Variants in NEDD4 observed in about 807,000 individuals in gnomAD.
NEDD4 encodes E3 ubiquitin-protein ligase NEDD4.
NEDD4 carries 99 observed loss-of-function variants against 144.9 expected under a neutral mutation model. That is an observed-to-expected ratio of 0.68 (90% CI 0.58 to 0.81). NEDD4 has a LOEUF of 0.81. NEDD4 is among the 30% of genes least tolerant of loss of function. The pLI is 0.00. For synonymous variants in NEDD4, 318 were observed against 350.6 expected, an observed-to-expected ratio of 0.91 and a Z score of 1.04; for missense variants, 985 against 1,065.9, an observed-to-expected ratio of 0.92 and a Z score of 1.06.
chr15:55,869,538 TA>T (rs1244242059), intron 8 of NEDD4, 40 bp downstream of exon 8: 2 of 1,214,618 alleles, frequency 1.6e-6, no homozygotes, highest in Non-Finnish European at 1.2e-6. Flanking sequence ...AATAAGAAAT[TA>T]AAATTTTTTT....
At chr15:55,905,314 T>C (rs2036054722) in intron 5 of NEDD4, 1 of 455,378 alleles carries the variant, frequency 2.2e-6, no homozygotes, top group African/African-American at 2.0e-5. Context: ...ATTAGAAGTT[T>C]CTTCTCTGGA....
At chr15:55,897,007 TC>T (rs1201192410) in intron 5 of NEDD4, among the ~76,000 whole-genome samples, 3 of 152,260 alleles carry the variant, frequency 2.0e-5, no homozygotes, top group Non-Finnish European at 4.4e-5. Context: ...GGAGTCTCAC[TC>T]TGTTGCCCAG....
chr15:55,945,196 C>T (rs1462621960), intron 4 of NEDD4, among the ~76,000 whole-genome samples: 6 of 152,022 alleles, frequency 3.9e-5, no homozygotes, highest in Non-Finnish European at 7.4e-5. Flanking sequence ...TTCAGAAGGT[C>T]GGTAAAAACA....
At chr15:55,897,992 C>G (rs531281129) in intron 5 of NEDD4, among the ~76,000 whole-genome samples, 1 of 152,286 alleles carries the variant, frequency 6.6e-6, no homozygotes, top group South Asian at 2.1e-4. Context: ...TTCTATTATT[C>G]AAATGCCATG....
chr15:55,902,785 A>C (rs2035952099), intron 5 of NEDD4, among the ~76,000 whole-genome samples: 1 of 152,178 alleles, frequency 6.6e-6, no homozygotes, highest in Non-Finnish European at 1.5e-5. Flanking sequence ...AATAAAAGTA[A>C]TCAGAAAAAA....
At chr15:55,939,800 G>C (rs1384614977) in intron 4 of NEDD4, among the ~76,000 whole-genome samples, 2 of 152,088 alleles carry the variant, frequency 1.3e-5, no homozygotes, top group Non-Finnish European at 2.9e-5. Flanking sequence ...ATAGAAAACA[G>C]TATAAAGGTT....
intron 2 of NEDD4, among the ~76,000 whole-genome samples, chr15:55,956,094 G>A (rs1462117486): frequency 6.6e-6 from 1 of 152,108 alleles, no homozygotes; most frequent in Non-Finnish European, 1.5e-5. Flanking sequence ...GATTACAGGT[G>A]TGAGCCACCA....
chr15:55,865,632 C>T (rs2034560629), intron 8 of NEDD4, among the ~76,000 whole-genome samples: 1 of 151,626 alleles, frequency 6.6e-6, no homozygotes, highest in African/African-American at 2.4e-5. Context: ...TCCTTAGATA[C>T]ACAGAGCTTC....
Position 55,860,743 on chromosome 15 carries a change from T to A in NEDD4, c.710A>T (p.Gln237Leu). 6.2e-7 allele frequency: 1 copy of A among 1,614,204 alleles called. No homozygotes were observed. Residue 237 changes from glutamine (Q) to leucine (L), a missense_variant, in exon 10 of 29, where the codon CAA becomes CTA. Transcript: ENST00000435532. ...GGTAAATGCACGTTGTGCTTGCAGT[T>A]GAATGTTGCCATTCTCAGCATCTGT... The part of the protein sequence containing the change: ...NLTDAENGNI[Q>L]LQAQRAFTTR...
In NEDD4 at chr15:55,869,599, C is replaced by T. The variant is rs776247859; in HGVS notation, c.487G>A (p.Glu163Lys). The change falls in exon 8 of 29, where the codon GAA becomes AAA. Residue 163 changes from glutamate (E) to lysine (K), a missense_variant. Coordinates refer to ENST00000435532, the MANE Select transcript of NEDD4 (RefSeq NM_006154.4). ...KTSGSEDDNA[E>K]QAEELEPGWV... ...CTCACCTCTAATTCCTCAGCCTGTT[C>T]TGCATTATCATCTTCTGAGCCACTG... The T allele has an allele frequency of 1.6e-5, 25 of 1,581,346 alleles. No homozygotes were observed. In the South Asian group the frequency reaches 2.7e-4, roughly 17 times the overall value.
intron 5 of NEDD4, among the ~76,000 whole-genome samples, chr15:55,910,059 G>C (rs1265678131): frequency 6.6e-6 from 1 of 152,090 alleles, no homozygotes; most frequent in Non-Finnish European, 1.5e-5. Flanking sequence ...GTGAAAGAAC[G>C]TAAGACTGTA....
Position 55,869,647 on chromosome 15 carries a change from T to C in NEDD4, c.439A>G (p.Lys147Glu). Residue 147 changes from lysine (K) to glutamate (E), a missense_variant, in exon 8 of 29, where the codon AAA (lysine) becomes GAA (glutamate). Physicochemically the swap from Lys to Glu is moderately conservative, Grantham distance 56. Transcript: ENST00000435532. ...CTGGTTTTAGGTAAATAAGTCATTT[T>C]TAGTCTCAGATAACCTTTAACTCTT... The part of the protein sequence containing the change: ...KSRVKGYLRL[K>E]MTYLPKTSGS... 6.4e-7 allele frequency: 1 copy of C among 1,574,218 alleles called. No individual in the cohort carries two copies. The highest frequency in any genetic ancestry group is 1.2e-5 in the South Asian group (1 of 85,990).
At chr15:55,832,181 G>GAAA (rs200591357) in intron 27 of NEDD4, among the ~76,000 whole-genome samples, 1 of 124,736 alleles carries the variant, frequency 8.0e-6, no homozygotes, top group African/African-American at 3.0e-5. Flanking sequence ...CCCCTATCTT[G>GAAA]AAAAAAAAAA....
At chr15:55,910,509 C>T (rs12902644) in intron 5 of NEDD4, among the ~76,000 whole-genome samples, 36,536 of 151,896 alleles carry the variant, frequency 0.24, 4,907 homozygotes, top group Admixed American at 0.31. Flanking sequence ...CCTCTTCTAC[C>T]GCCTCACCAA....
intron 26 of NEDD4, 96 bp downstream of exon 26, chr15:55,833,942 T>C: frequency 1.1e-6 from 1 of 884,528 alleles, no homozygotes; most frequent in Non-Finnish European, 1.8e-6. Flanking sequence ...TCTGTATCAG[T>C]TAAATGTAAT....
chr15:55,936,286 T>G (rs1189557058), intron 4 of NEDD4, among the ~76,000 whole-genome samples: 1 of 152,124 alleles, frequency 6.6e-6, no homozygotes, highest in African/African-American at 2.4e-5. Flanking sequence ...ACAGTAAGTT[T>G]CATTGAGGGT....
chr15:55,838,769 TG>T (rs1468656755), intron 21 of NEDD4, among the ~76,000 whole-genome samples, 165 bp from the exon 22 acceptor site: 9 of 152,164 alleles, frequency 5.9e-5, no homozygotes, highest in African/African-American at 2.2e-4. Flanking sequence ...TGTATGTGTG[TG>T]TATTACAAAA....
chr15:55,908,347 A>G (rs1042023709), intron 5 of NEDD4, among the ~76,000 whole-genome samples: 41 of 152,276 alleles, frequency 2.7e-4, no homozygotes, highest in African/African-American at 9.9e-4. Flanking sequence ...TTGCCTACCT[A>G]TTGCCATATC....
chr15:55,850,441 A>G, intron 14 of NEDD4, 101 bp downstream of exon 14: 1 of 1,077,458 alleles, frequency 9.3e-7, no homozygotes. Flanking sequence ...GAATATTAGG[A>G]AACATAGGTT....
Sources: gnomAD v4.1 joint callset for allele counts (sites outside exome capture counted in the v4.1 genomes callset) on GRCh38, gnomAD v4.1.1 for gene constraint, MANE v1.5 for transcripts, NCBI Gene and HGNC (gene_info 2026-07-23, HGNC 2026-07-21) for gene names.